The following MED1 variants were observed in gnomAD, a reference collection of about 807,000 sequenced individuals.
The protein encoded by MED1 is mediator complex subunit 1, also known as mediator of RNA polymerase II transcription subunit 1.
Under a neutral mutation model 121.3 loss-of-function variants are expected in MED1, and 17 were observed. That is an observed-to-expected ratio of 0.14 (90% CI 0.10 to 0.21). MED1 has a LOEUF of 0.21. MED1 is among the 10% of genes least tolerant of loss of function. The pLI is 1.00. For missense variants in MED1, 1,558 were observed against 1,919.4 expected, an observed-to-expected ratio of 0.81 and a Z score of 3.52; for synonymous variants, 661 against 694.4, an observed-to-expected ratio of 0.95 and a Z score of 0.76.
chr17:39,442,369 G>A (rs1271225874), intron 3 of MED1, among the ~76,000 whole-genome samples: 3 of 151,708 alleles, frequency 2.0e-5, no homozygotes, highest in Admixed American at 6.6e-5. Context: ...AGGCCGAGGC[G>A]GGTGGATCAC....
intron 1 of MED1, among the ~76,000 whole-genome samples, chr17:39,449,041 CTTTTT>C (rs546027863): frequency 4.1e-5 from 6 of 145,784 alleles, no homozygotes; most frequent in African/African-American, 1.3e-4. Context: ...TCTTTCTTTT[CTTTTT>C]TTTTTTTAAG....
At chr17:39,447,675 T>G (rs1414452433) in intron 2 of MED1, 123 bp downstream of exon 2, 1 of 630,808 alleles carries the variant, frequency 1.6e-6, no homozygotes, top group East Asian at 2.8e-5. Flanking sequence ...ACTCCTAAAG[T>G]TGAAACCACC....
intron 13 of MED1, among the ~76,000 whole-genome samples, chr17:39,422,474 T>C (rs2048474937): frequency 1.4e-5 from 2 of 142,088 alleles, no homozygotes; most frequent in African/African-American, 5.3e-5. Flanking sequence ...GCCTCGTTTT[T>C]TTTTTTTTTT....
At chr17:39,423,261 A>G in intron 13 of MED1, 66 bp downstream of exon 13, 1 of 1,176,822 alleles carries the variant, frequency 8.5e-7, no homozygotes, top group Non-Finnish European at 1.3e-6. Flanking sequence ...AATGCTATAA[A>G]GGAAGATTAT....
rs369612086 is a variant in MED1 at position 39,409,358 on chromosome 17, C to T, written c.2863G>A (p.Gly955Ser). 12 of 1,613,972 alleles carry T rather than the reference C, an allele frequency of 7.4e-6. No individual in the cohort carries two copies. Among genetic ancestry groups the T allele is most frequent in the Non-Finnish European group, 9.3e-6 (11 of 1,179,990 alleles). The part of the protein sequence containing the change: ...DLMEHHSGSQ[G>S]PLLTTGDLGK... ...AAGTCCCCAGTGGTCAGTAAAGGACCCTGACTACCACTGTGATGCTCCATA... is the reference window on the plus strand; with the variant it reads ...AAGTCCCCAGTGGTCAGTAAAGGACTCTGACTACCACTGTGATGCTCCATA... The change falls in exon 17 of 17, where the codon GGT (glycine) becomes AGT (serine). Residue 955 changes from glycine to serine, a missense_variant. This residue lies in a region of MED1 where 793 missense variants were observed against 898.2 expected (regional missense o/e 0.88). Coordinates refer to ENST00000300651, the MANE Select transcript of MED1 (RefSeq NM_004774.4).
chr17:39,410,897 C>T lies in MED1; in HGVS notation c.1500-176G>A, dbSNP rs141166794. Among the ~76,000 whole-genome samples, 439 of 152,288 alleles carry T rather than the reference C, an allele frequency of 2.9e-3. 1 individual carries two copies. Among genetic ancestry groups the T allele is most frequent in the African/African-American group, 9.4e-3 (389 of 41,564 alleles). On this transcript the variant is annotated intron_variant, in intron 16 of 16. Transcript: ENST00000300651. ...CTTTGGGTAAATACATTCTAAAAAT[C>T]TAACCCAACATAAAATTGTCAACCT...
intron 1 of MED1, among the ~76,000 whole-genome samples, chr17:39,449,423 C>T (rs530124060): frequency 2.0e-5 from 3 of 152,258 alleles, no homozygotes; most frequent in African/African-American, 7.2e-5. Context: ...TCAAGTGATT[C>T]GCCCGCTTCG....
In MED1 at chr17:39,410,376, C is replaced by A; in HGVS notation, c.1845G>T (p.Gly615=). 2 of 1,613,884 alleles carry A rather than the reference C, an allele frequency of 1.2e-6. No homozygotes were observed. Among genetic ancestry groups the A allele is most frequent in the Non-Finnish European group, 1.7e-6 (2 of 1,179,966 alleles). ...GGGTCGGACTCGAGCCAATGGTAGA[C>A]CCCCCGTTCCCTGTGATTTGCAACA... ...TSLLQITGNG[G]STIGSSPTPP... Residue 615 remains glycine (G), a synonymous_variant, in exon 17 of 17, where the codon GGG becomes GGT. Transcript: ENST00000300651.
At position 39,408,539 on chromosome 17, in the gene MED1, C is replaced by A; in HGVS notation, c.3682G>T (p.Gly1228Cys). The A allele has an allele frequency of 1.2e-6, 2 of 1,614,196 alleles. No homozygotes were observed. The highest frequency in any genetic ancestry group is 1.7e-6 in the Non-Finnish European group (2 of 1,180,042). Residue 1228 changes from glycine to cysteine, a missense_variant, in exon 17 of 17, where the codon GGT (glycine) becomes TGT (cysteine). Physicochemically the swap from Gly to Cys is radical, Grantham distance 159 (BLOSUM62 -3). This residue lies in a region of MED1 where 793 missense variants were observed against 898.2 expected (regional missense o/e 0.88). Coordinates refer to ENST00000300651, the MANE Select transcript of MED1 (RefSeq NM_004774.4). The surrounding 1 kb of genome is among the most constrained non-coding windows in gnomAD (Gnocchi z 4.7). Reference protein sequence around the residue: ...SSKAKSPISSGSGGSHMSGTS... With the variant: ...SSKAKSPISSCSGGSHMSGTS... The stretch of plus-strand genomic sequence containing the variant: ...CCAGACATATGAGAACCACCAGAAC[C>A]TGAACTGATAGGGGACTTGGCTTTA...
Position 39,440,296 on chromosome 17 carries a change from C to T in MED1, c.399+90G>A, listed in dbSNP as rs527334773. The T allele has an allele frequency of 1.5e-5, 21 of 1,362,040 alleles. No homozygotes were observed. Among genetic ancestry groups the T allele is most frequent in the Non-Finnish European group, 1.9e-5 (19 of 1,019,478 alleles). The allele number at this position is 1,362,040 out of a possible 1,614,324, so 84.4% of individuals were successfully genotyped here. A position where few individuals can be genotyped will look rare whatever the true frequency, so the allele number is the denominator to read the frequency against. On this transcript the variant is annotated intron_variant, in intron 5 of 16. Transcript: ENST00000300651. The surrounding 1 kb of genome is among the most constrained non-coding windows in gnomAD (Gnocchi z 4.1). ...ACAGTGGCTCATGGAAAAACCTAAACCCAAGCTATTTAAACCCCAACAATT... is the reference window on the plus strand; with the variant it reads ...ACAGTGGCTCATGGAAAAACCTAAATCCAAGCTATTTAAACCCCAACAATT...
At chr17:39,431,262 C>T (rs1240290606) in intron 8 of MED1, 74 bp from the exon 9 acceptor site, 1 of 1,198,480 alleles carries the variant, frequency 8.3e-7, no homozygotes, top group Non-Finnish European at 1.2e-6. Flanking sequence ...ATATTGAGTT[C>T]ACCTCTCCGA....
intron 1 of MED1, among the ~76,000 whole-genome samples, chr17:39,448,472 G>A (rs2048750064): frequency 6.6e-6 from 1 of 151,242 alleles, no homozygotes; most frequent in Non-Finnish European, 1.5e-5. Flanking sequence ...ACCTCAGCCT[G>A]GGAGGTCGAA....
Position 39,404,558 on chromosome 17 carries a change from T to C in MED1, c.*2917A>G, listed in dbSNP as rs2144706009. The C allele has an allele frequency of 6.6e-6, 1 of 152,394 alleles. No homozygotes were observed. The highest frequency in any genetic ancestry group is 1.9e-4 in the East Asian group (1 of 5,328). The allele number at this position is 152,394 out of a possible 1,614,324, so 9.4% of individuals were successfully genotyped here. ...GTTTCCCAATCTAGCTTCTGAGATGTTAAGTACTTCCTGCCCCTCCAAAAC... is the reference window on the plus strand; with the variant it reads ...GTTTCCCAATCTAGCTTCTGAGATGCTAAGTACTTCCTGCCCCTCCAAAAC... On this transcript the variant is annotated 3_prime_UTR_variant, in exon 17 of 17. Transcript: ENST00000300651.
intron 10 of MED1, among the ~76,000 whole-genome samples, chr17:39,427,131 A>G (rs1364913805): frequency 6.6e-6 from 1 of 152,098 alleles, no homozygotes; most frequent in Non-Finnish European, 1.5e-5. Context: ...CTCAGGTCAG[A>G]TCGTTTATAT....
Position 39,405,242 on chromosome 17 carries a change from G to T in MED1, c.*2233C>A. ...GCAAGTTCAGATGCTGGGTCAGTGT[G>T]GGGGTGAGCCCATCGACAATTCAGG... On this transcript the variant is annotated 3_prime_UTR_variant, in exon 17 of 17. Transcript: ENST00000300651. 1 of 1,596,046 alleles carries T rather than the reference G, an allele frequency of 6.3e-7. No homozygotes were observed. Among genetic ancestry groups the T allele is most frequent in the East Asian group, 2.2e-5 (1 of 44,556 alleles).
chr17:39,440,794 G>A lies in MED1; in HGVS notation c.212-117C>T. ...CGTAAACATATTCAGTAGTTCAAATGCTTGTAATTTACATAAAGTTCACTG... is the reference window on the plus strand; with the variant it reads ...CGTAAACATATTCAGTAGTTCAAATACTTGTAATTTACATAAAGTTCACTG... On this transcript the variant is annotated intron_variant, in intron 3 of 16. Coordinates refer to ENST00000300651, the MANE Select transcript of MED1 (RefSeq NM_004774.4). This position sits in a 1 kb window ranked among gnomAD's most constrained non-coding sequence, Gnocchi z 4.1. 4 of 984,780 alleles carry A rather than the reference G, an allele frequency of 4.1e-6. No individual in the cohort carries two copies. Among genetic ancestry groups the A allele is most frequent in the Non-Finnish European group, 6.2e-6 (4 of 646,620 alleles). 61.0% of individuals were successfully genotyped at this position (984,780 alleles called of 1,614,324 possible).
rs878982604 is a variant in MED1 at position 39,405,459 on chromosome 17, A to ATT, written c.*2014_*2015dup. ...AGAACAAATTTTAAAAACCACATAA[A>ATT]TTTTTTTTTTTTTCCTGCAGAAACC... On this transcript the variant is annotated 3_prime_UTR_variant, in exon 17 of 17. Transcript: ENST00000300651. 1.2e-4 allele frequency: 131 copies of ATT among 1,076,306 alleles called. No individual in the cohort carries two copies. Among genetic ancestry groups the ATT allele is most frequent in the South Asian group, 4.7e-4 (21 of 44,334 alleles). The allele number at this position is 1,076,306 out of a possible 1,614,324, so 66.7% of individuals were successfully genotyped here.
intron 16 of MED1, among the ~76,000 whole-genome samples, chr17:39,412,084 A>T (rs995398915): frequency 5.9e-4 from 90 of 151,928 alleles, no homozygotes; most frequent in African/African-American, 2.1e-3. Flanking sequence ...TCCCAAACCT[A>T]CACTATTATA....
chr17:39,407,709 C>A lies in MED1; in HGVS notation c.4512G>T (p.Lys1504Asn). 1 of 1,614,096 alleles carries A rather than the reference C, an allele frequency of 6.2e-7. No homozygotes were observed. Among genetic ancestry groups the A allele is most frequent in the Non-Finnish European group, 8.5e-7 (1 of 1,179,978 alleles). ...TEKHKKHKKE[K>N]KKVKDKDRDR... ...CCCTATCTTTGTCTTTTACTTTCTT[C>A]TTTTCCTTTTTGTGCTTCTTATGTT... The change falls in exon 17 of 17, where the codon AAG (lysine) becomes AAT (asparagine). Residue 1504 changes from lysine to asparagine, a missense_variant. Coordinates refer to ENST00000300651, the MANE Select transcript of MED1 (RefSeq NM_004774.4).
Sources: allele counts gnomAD v4.1 joint callset (sites outside exome capture counted in the v4.1 genomes callset), GRCh38; gene constraint gnomAD v4.1.1; regional missense constraint gnomAD v4.1.1; non-coding constraint Gnocchi (gnomAD v3.1); transcripts MANE v1.5; gene names NCBI Gene and HGNC (gene_info 2026-07-23, HGNC 2026-07-21).